The following MPHOSPH9 variants were observed in gnomAD, a reference collection of about 807,000 sequenced individuals.
MPHOSPH9 encodes the protein M-phase phosphoprotein 9.
A neutral mutation model predicts 145.5 loss-of-function variants in MPHOSPH9; 88 were observed. The observed-to-expected ratio is 0.60, with a 90% CI of 0.51 to 0.72. MPHOSPH9 has a LOEUF of 0.72. Among genes scored for constraint, MPHOSPH9 ranks in the 30% least tolerant of loss-of-function variants. The pLI is 0.00. For synonymous variants in MPHOSPH9, 435 were observed against 486.2 expected, an observed-to-expected ratio of 0.89 and a Z score of 1.39; for missense variants, 1,238 against 1,386.6, an observed-to-expected ratio of 0.89 and a Z score of 1.70.
At chr12:123,157,932 G>C (rs2043939615) in intron 23 of MPHOSPH9, among the ~76,000 whole-genome samples, 1 of 151,848 alleles carries the variant, frequency 6.6e-6, no homozygotes, top group Admixed American at 6.6e-5. Context: ...AAAAAAAACT[G>C]TTCCTCTTTC....
At chr12:123,222,514 T>A (rs987050506) in intron 4 of MPHOSPH9, among the ~76,000 whole-genome samples, 2 of 151,594 alleles carry the variant, frequency 1.3e-5, no homozygotes, top group Non-Finnish European at 2.9e-5. Context: ...ATTAGCCAGG[T>A]ATGGTGGCAC....
At chr12:123,226,540 A>C (rs2047443506) in intron 3 of MPHOSPH9, among the ~76,000 whole-genome samples, 1 of 149,672 alleles carries the variant, frequency 6.7e-6, no homozygotes, top group South Asian at 2.1e-4. Flanking sequence ...TTTTTTACTG[A>C]GGGGGTCTTG....
chr12:123,222,734 T>A (rs561590347), intron 4 of MPHOSPH9, among the ~76,000 whole-genome samples: 1 of 152,188 alleles, frequency 6.6e-6, no homozygotes, highest in East Asian at 1.9e-4. Flanking sequence ...GTCAGGAGTT[T>A]GAGACCAGCC....
intron 23 of MPHOSPH9, among the ~76,000 whole-genome samples, chr12:123,158,760 A>G (rs761453901): frequency 1.3e-5 from 2 of 152,026 alleles, no homozygotes; most frequent in Non-Finnish European, 1.5e-5. Flanking sequence ...GCCTCCAAGT[A>G]GCTGAGATTG....
rs928335033 is a variant in MPHOSPH9, at chr12:123,210,307, T to C, written c.1088-145A>G. 50 of 489,310 alleles carry C rather than the reference T, an allele frequency of 1.0e-4. No homozygotes were observed. The Admixed American group carries it at 1.4e-3, about 14-fold the overall frequency. 30.3% of individuals were successfully genotyped at this position (489,310 alleles called of 1,614,324 possible). On this transcript the variant is annotated intron_variant, in intron 7 of 23. Transcript: ENST00000606320. ...AATTTGAATTTTGATGGAAAAAAGT[T>C]ATCTAAATTCCTTATTATGTAAGAG...
rs2043824021 is a variant in MPHOSPH9 at position 123,154,481 on chromosome 12, A to C, written c.*2326T>G. ...TTAGAAATAAGTGACTGATAGCTCC[A>C]ATCTATTACACACTTCAAATATCAA... On this transcript the variant is annotated 3_prime_UTR_variant, in exon 24 of 24. Transcript: ENST00000606320. 1 of 152,218 alleles carries C rather than the reference A, an allele frequency of 6.6e-6. No homozygotes were observed. 9.4% of individuals were successfully genotyped at this position (152,218 alleles called of 1,614,324 possible).
intron 20 of MPHOSPH9, 144 bp from the exon 21 acceptor site, chr12:123,162,362 C>T (rs1385155710): frequency 7.3e-6 from 3 of 408,494 alleles, no homozygotes; most frequent in Non-Finnish European, 1.3e-5. Context: ...TTGTCTAAAA[C>T]TGAAATTTAT....
Position 123,202,845 on chromosome 12 carries a change from A to C in MPHOSPH9, c.1560T>G (p.Ser520=). The C allele has an allele frequency of 6.2e-7, 1 of 1,614,216 alleles. No individual in the cohort carries two copies. Among genetic ancestry groups the C allele is most frequent in the Non-Finnish European group, 8.5e-7 (1 of 1,180,042 alleles). ...PSHTKASPVD[S]WKNQTFQNES... is the part of the protein sequence containing the mutation. Reference sequence around the variant, plus strand: ...CGTTTTGGAATGTCTGATTTTTCCAAGAGTCCACCGGAGAAGCTTTTGTGT... The same window carrying C: ...CGTTTTGGAATGTCTGATTTTTCCACGAGTCCACCGGAGAAGCTTTTGTGT... The change falls in exon 10 of 24, where the codon TCT becomes TCG. Residue 520 remains serine, a synonymous_variant. Transcript: ENST00000606320.
Position 123,230,225 on chromosome 12 carries a change from C to T in MPHOSPH9, c.104+36G>A, listed in dbSNP as rs1185442600. On this transcript the variant is annotated intron_variant, in intron 2 of 23. Coordinates refer to ENST00000606320, the MANE Select transcript of MPHOSPH9 (RefSeq NM_022782.4). ...ATAAACGTATGCAAATAAGGTTATT[C>T]TGATTTGGTACATTTTTTTTAAATC... is the stretch of plus-strand genomic sequence containing the variant. The T allele has an allele frequency of 2.7e-6, 3 of 1,130,530 alleles. No individual in the cohort carries two copies. In the South Asian group the frequency reaches 4.2e-5, roughly 16 times the overall value. The allele number at this position is 1,130,530 out of a possible 1,614,324, so 70.0% of individuals were successfully genotyped here. A position where few individuals can be genotyped will look rare whatever the true frequency, so the allele number is the denominator to read the frequency against.
chr12:123,239,616 A>G (rs903925637), intron 1 of MPHOSPH9, among the ~76,000 whole-genome samples: 1 of 151,946 alleles, frequency 6.6e-6, no homozygotes, highest in Non-Finnish European at 1.5e-5. Flanking sequence ...GTTAGCCAGG[A>G]TGGTCTCGAT....
intron 23 of MPHOSPH9, among the ~76,000 whole-genome samples, chr12:123,158,093 G>A (rs766565887): frequency 1.3e-5 from 2 of 151,974 alleles, no homozygotes; most frequent in Admixed American, 6.6e-5. Flanking sequence ...AGGTTCAAGC[G>A]ATTCTCCTCC....
At chr12:123,166,089 G>A (rs567410006) in intron 17 of MPHOSPH9, among the ~76,000 whole-genome samples, 1 of 152,170 alleles carries the variant, frequency 6.6e-6, no homozygotes, top group East Asian at 1.9e-4. Flanking sequence ...AGAGCCATCT[G>A]AAGTGGGAGA....
At chr12:123,225,608 G>A (rs796984530) in intron 3 of MPHOSPH9, among the ~76,000 whole-genome samples, 29 of 151,878 alleles carry the variant, frequency 1.9e-4, no homozygotes, top group African/African-American at 6.5e-4. Context: ...GACTTAAGAT[G>A]CTAATGTCAA....
At chr12:123,163,847 G>A in intron 19 of MPHOSPH9, 103 bp downstream of exon 19, 3 of 1,409,882 alleles carry the variant, frequency 2.1e-6, no homozygotes, top group Non-Finnish European at 3.0e-6. Context: ...ACTAGGTGCT[G>A]AGGATACAAG....
chr12:123,186,736 G>A (rs775233732), intron 13 of MPHOSPH9, among the ~76,000 whole-genome samples: 3 of 152,092 alleles, frequency 2.0e-5, no homozygotes, highest in African/African-American at 4.8e-5. Flanking sequence ...TGAGGCAAGT[G>A]GATCACTTGA....
chr12:123,215,191 G>A lies in MPHOSPH9; in HGVS notation c.997-357C>T, dbSNP rs546143564. ...TGGGAGGCAGAGGTTGCAGTAAGCCGAGATCGTGCCACTGCACTCTAGCCT... is the reference window on the plus strand; with the variant it reads ...TGGGAGGCAGAGGTTGCAGTAAGCCAAGATCGTGCCACTGCACTCTAGCCT... On this transcript the variant is annotated intron_variant, in intron 6 of 23. Coordinates refer to ENST00000606320, the MANE Select transcript of MPHOSPH9 (RefSeq NM_022782.4). 9.6e-4 allele frequency among the ~76,000 whole-genome samples: 146 copies of A among 152,188 alleles called. 2 individuals carry two copies. Among genetic ancestry groups the A allele is most frequent in the Admixed American group, 7.9e-4 (12 of 15,270 alleles).
At position 123,191,403 on chromosome 12, in the gene MPHOSPH9, G is replaced by T. The variant is rs191103690; in HGVS notation, c.2241+2983C>A. 2.0e-5 allele frequency among the ~76,000 whole-genome samples: 3 copies of T among 152,278 alleles called. No homozygotes were observed. In the East Asian group the frequency reaches 5.8e-4, roughly 29 times the overall value. On this transcript the variant is annotated intron_variant, in intron 13 of 23. Transcript: ENST00000606320. ...CAGTACCAGTTCAAGTGATTCTCCTGCCTCAGCACCCTGAGTAGCTTGGAC... is the reference window on the plus strand; with the variant it reads ...CAGTACCAGTTCAAGTGATTCTCCTTCCTCAGCACCCTGAGTAGCTTGGAC...
intron 10 of MPHOSPH9, 91 bp downstream of exon 10, chr12:123,202,533 T>C (rs1415259683): frequency 4.1e-5 from 54 of 1,329,192 alleles, no homozygotes; most frequent in Non-Finnish European, 5.3e-5. Context: ...CTCTAAGACT[T>C]TATGCAATAC....
intron 16 of MPHOSPH9, 59 bp from the exon 17 acceptor site, chr12:123,166,848 G>A: frequency 6.5e-7 from 1 of 1,549,412 alleles, no homozygotes; most frequent in East Asian, 2.3e-5. Flanking sequence ...CAGACTGCAT[G>A]TGCATATAAA....
Sources: gnomAD v4.1 joint callset for allele counts (sites outside exome capture counted in the v4.1 genomes callset) on GRCh38, gnomAD v4.1.1 for gene constraint, MANE v1.5 for transcripts, NCBI Gene and HGNC (gene_info 2026-07-23, HGNC 2026-07-21) for gene names.